Variants in PDE7B observed in about 807,000 individuals in gnomAD.
The protein encoded by PDE7B is 3',5'-cyclic-AMP phosphodiesterase 7B.
Under a neutral mutation model 56.2 loss-of-function variants are expected in PDE7B, and 29 were observed. The observed-to-expected ratio is 0.52, with a 90% CI of 0.38 to 0.70. The LOEUF is 0.70. PDE7B is among the 30% of genes least tolerant of loss of function. The pLI, the probability that PDE7B is intolerant of heterozygous loss-of-function variation, is 0.00. For synonymous variants in PDE7B, 197 were observed against 196.9 expected (o/e 1.00, Z 0.00); for missense variants, 490 against 565.0 (o/e 0.87, Z 1.35).
At chr6:136,132,100 T>C (rs898543467) in intron 3 of PDE7B, among the ~76,000 whole-genome samples, 1 of 152,174 alleles carries the variant, frequency 6.6e-6, no homozygotes, top group Non-Finnish European at 1.5e-5. Context: ...TAGTACAGTC[T>C]TGTTAACTGT....
intron 2 of PDE7B, among the ~76,000 whole-genome samples, chr6:135,968,795 A>T (rs1194629656): frequency 1.3e-5 from 2 of 152,206 alleles, no homozygotes; most frequent in African/African-American, 4.8e-5. Flanking sequence ...TGGGTATATA[A>T]CCAAAAGAAT....
intron 1 of PDE7B, among the ~76,000 whole-genome samples, chr6:135,944,301 C>G (rs547684837): frequency 6.6e-6 from 1 of 152,084 alleles, no homozygotes; most frequent in East Asian, 1.9e-4. Flanking sequence ...CAGTTAATCT[C>G]GTAAACTGGG....
At chr6:135,865,546 T>C (rs1775238066) in intron 1 of PDE7B, among the ~76,000 whole-genome samples, 1 of 152,056 alleles carries the variant, frequency 6.6e-6, no homozygotes, top group Non-Finnish European at 1.5e-5. Context: ...TGTTGTCTGC[T>C]GCTGCTGCTG....
intron 1 of PDE7B, among the ~76,000 whole-genome samples, chr6:135,922,430 AT>A (rs1246846539): frequency 6.6e-6 from 1 of 152,164 alleles, no homozygotes; most frequent in Non-Finnish European, 1.5e-5. Context: ...TCACTCTCTT[AT>A]TCATATGGAA....
intron 2 of PDE7B, among the ~76,000 whole-genome samples, chr6:135,997,180 G>T (rs1775580354): frequency 6.6e-6 from 1 of 151,754 alleles, no homozygotes; most frequent in South Asian, 2.1e-4. Flanking sequence ...CACTTTGGGA[G>T]GCCAAGATGG....
At position 135,947,506 on chromosome 6, in the gene PDE7B, A is replaced by T. The variant is rs778244088; in HGVS notation, c.64A>T (p.Lys22Ter). The change falls in exon 2 of 13, where the codon AAA (lysine) becomes TAA (stop). Residue 22 changes from lysine (K) to a stop codon, truncating the protein, a stop_gained. Transcript: ENST00000308191. LOFTEE classifies it high-confidence loss of function. ...GTTTGAGAACCCCGATCAGAATGCC[A>T]AATGTGTTTGCATGCTGGGTAAGAA... is the stretch of plus-strand genomic sequence containing the variant. ...ILFENPDQNA[K>*]CVCMLGDIRL... 6.2e-7 allele frequency: 1 copy of T among 1,611,648 alleles called. No homozygotes were observed. The highest frequency in any genetic ancestry group is 1.3e-5 in the African/African-American group (1 of 74,856).
intron 1 of PDE7B, among the ~76,000 whole-genome samples, chr6:135,929,130 C>T (rs574899352): frequency 4.9e-4 from 74 of 152,184 alleles, no homozygotes; most frequent in Middle Eastern, 3.4e-3. Flanking sequence ...TGGTAAATAA[C>T]GGTGAAAGAA....
intron 8 of PDE7B, among the ~76,000 whole-genome samples, chr6:136,167,456 T>C (rs781489094): frequency 2.0e-5 from 3 of 151,270 alleles, no homozygotes; most frequent in Non-Finnish European, 2.9e-5. Context: ...AAAGGGGAGG[T>C]TTCCTGCACA....
intron 1 of PDE7B, among the ~76,000 whole-genome samples, chr6:135,902,214 C>T (rs1183134069): frequency 6.6e-6 from 1 of 152,098 alleles, no homozygotes; most frequent in Non-Finnish European, 1.5e-5. Context: ...ATATGTTCAA[C>T]TTTCAAAAAG....
chr6:136,015,137 C>T (rs1775956141), intron 2 of PDE7B, among the ~76,000 whole-genome samples: 1 of 152,226 alleles, frequency 6.6e-6, no homozygotes, highest in Admixed American at 6.5e-5. Flanking sequence ...GCAGAATTCA[C>T]TTGAAGCTGG....
chr6:136,147,540 G>A, intron 4 of PDE7B, 38 bp downstream of exon 4: 1 of 1,592,784 alleles, frequency 6.3e-7, no homozygotes. Flanking sequence ...GCAGGCCAGT[G>A]GCCAAGAGCA....
intron 10 of PDE7B, 52 bp downstream of exon 10, chr6:136,179,193 G>C: frequency 1.9e-6 from 3 of 1,544,798 alleles, no homozygotes; most frequent in Non-Finnish European, 2.7e-6. Flanking sequence ...ACACTCAGCT[G>C]GGCTGGGTGT....
chr6:136,010,070 A>G (rs1427709786), intron 2 of PDE7B, among the ~76,000 whole-genome samples: 1 of 152,102 alleles, frequency 6.6e-6, no homozygotes, highest in Non-Finnish European at 1.5e-5. Flanking sequence ...TAACTTTTCT[A>G]TGTGGGCATT....
At chr6:135,904,831 C>T (rs1381993364) in intron 1 of PDE7B, among the ~76,000 whole-genome samples, 4 of 152,290 alleles carry the variant, frequency 2.6e-5, no homozygotes, top group South Asian at 2.1e-4. Context: ...CAAGATATGA[C>T]TCACTGCTGT....
intron 3 of PDE7B, among the ~76,000 whole-genome samples, chr6:136,134,990 A>G (rs1778188237): frequency 6.6e-6 from 1 of 151,882 alleles, no homozygotes; most frequent in Non-Finnish European, 1.5e-5. Flanking sequence ...TAAAAAGGAG[A>G]GTGAGAGAAA....
chr6:136,164,294 G>A (rs1200072360), intron 8 of PDE7B, among the ~76,000 whole-genome samples: 1 of 152,020 alleles, frequency 6.6e-6, no homozygotes, highest in Non-Finnish European at 1.5e-5. Context: ...GATCTCATGA[G>A]AACTCACTCA....
intron 11 of PDE7B, among the ~76,000 whole-genome samples, chr6:136,184,272 T>A (rs1445937426): frequency 6.6e-6 from 1 of 152,288 alleles, no homozygotes; most frequent in East Asian, 1.9e-4. Context: ...GTCTGAAACA[T>A]AAACGTGTTG....
At chr6:135,856,610 A>C (rs1775032432) in intron 1 of PDE7B, among the ~76,000 whole-genome samples, 1 of 152,084 alleles carries the variant, frequency 6.6e-6, no homozygotes, top group African/African-American at 2.4e-5. Flanking sequence ...CAATCACCTT[A>C]ATCGAGACAT....
chr6:136,087,489 A>G (rs1296732320), intron 2 of PDE7B, among the ~76,000 whole-genome samples: 1 of 152,250 alleles, frequency 6.6e-6, no homozygotes, highest in Admixed American at 6.5e-5. Flanking sequence ...AGCAAGAGAC[A>G]TTTTCCCCCA....
Sources: gnomAD v4.1 joint callset for allele counts (sites outside exome capture counted in the v4.1 genomes callset) on GRCh38, gnomAD v4.1.1 for gene constraint, MANE v1.5 for transcripts, NCBI Gene and HGNC (gene_info 2026-07-23, HGNC 2026-07-21) for gene names.